Variants in CCSER1 observed in about 807,000 individuals in gnomAD.
CCSER1 encodes the protein serine-rich coiled-coil domain-containing protein 1.
In CCSER1, 41 loss-of-function variants were observed where a neutral mutation model predicts 82.0. The observed-to-expected ratio is 0.50, with a 90% CI of 0.39 to 0.65. The LOEUF (loss-of-function observed/expected upper bound fraction) is 0.65, where lower values mean the gene tolerates loss of function less well. Ranked by LOEUF, CCSER1 falls within the 30% of genes least tolerant of loss-of-function variation. The pLI, the probability that CCSER1 is intolerant of heterozygous loss-of-function variation, is 0.00. For synonymous variants in CCSER1, 414 were observed against 383.9 expected (o/e 1.08, Z -0.92); for missense variants, 1,119 against 1,064.2 (o/e 1.05, Z -0.72).
chr4:91,173,289 G>A (rs1485158164), intron 10 of CCSER1, among the ~76,000 whole-genome samples: 1 of 152,100 alleles, frequency 6.6e-6, no homozygotes, highest in Non-Finnish European at 1.5e-5. Flanking sequence ...AATTCAGAAA[G>A]ACATTAAGAA....
At chr4:90,637,463 A>C (rs1725638637) in intron 6 of CCSER1, among the ~76,000 whole-genome samples, 1 of 152,138 alleles carries the variant, frequency 6.6e-6, no homozygotes, top group African/African-American at 2.4e-5. Context: ...ACAATATGTA[A>C]AGTATGAATA....
At chr4:90,594,865 C>G (rs1189072031) in intron 5 of CCSER1, among the ~76,000 whole-genome samples, 1 of 152,054 alleles carries the variant, frequency 6.6e-6, no homozygotes, top group Non-Finnish European at 1.5e-5. Flanking sequence ...AACCACAACA[C>G]CTAGTATTAG....
intron 5 of CCSER1, among the ~76,000 whole-genome samples, chr4:90,615,151 A>T (rs770273833): frequency 1.3e-5 from 2 of 149,918 alleles, no homozygotes; most frequent in Non-Finnish European, 2.9e-5. Flanking sequence ...TGCTCAGAAA[A>T]AAACAAGATT....
At chr4:90,486,854 A>T (rs948055380) in intron 5 of CCSER1, among the ~76,000 whole-genome samples, 2 of 152,250 alleles carry the variant, frequency 1.3e-5, no homozygotes, top group African/African-American at 4.8e-5. Flanking sequence ...AAAGAAAGCC[A>T]GTCCAACTTT....
At chr4:91,301,362 G>A (rs563741272) in intron 10 of CCSER1, among the ~76,000 whole-genome samples, 1 of 151,478 alleles carries the variant, frequency 6.6e-6, no homozygotes, top group Non-Finnish European at 1.5e-5. Flanking sequence ...TTAAAAAGGA[G>A]AATTAATACA....
chr4:90,625,229 C>T (rs9790562), intron 5 of CCSER1, among the ~76,000 whole-genome samples: 43,882 of 151,870 alleles, frequency 0.29, 6,655 homozygotes, highest in African/African-American at 0.36. Flanking sequence ...AATATGGCTT[C>T]GTATTAGAGA....
chr4:91,226,501 G>T (rs560668449), intron 10 of CCSER1, among the ~76,000 whole-genome samples: 4 of 151,924 alleles, frequency 2.6e-5, no homozygotes, highest in Admixed American at 1.3e-4. Context: ...ATTTTATAGC[G>T]TTTAATATAT....
chr4:91,373,018 T>C (rs1298664509), intron 10 of CCSER1, among the ~76,000 whole-genome samples: 1 of 152,162 alleles, frequency 6.6e-6, no homozygotes, highest in Non-Finnish European at 1.5e-5. Flanking sequence ...AAAAAAACAA[T>C]TGGGAAATGT....
intron 6 of CCSER1, among the ~76,000 whole-genome samples, chr4:90,692,864 A>T (rs1228385499): frequency 6.6e-6 from 1 of 152,000 alleles, no homozygotes; most frequent in African/African-American, 2.4e-5. Context: ...CTCATTTATC[A>T]TTCAGATATA....
chr4:90,790,313 G>T (rs1580478643), intron 7 of CCSER1, among the ~76,000 whole-genome samples: 1 of 151,904 alleles, frequency 6.6e-6, no homozygotes, highest in African/African-American at 2.4e-5. Flanking sequence ...ATTTATTATT[G>T]ATATACCATA....
intron 10 of CCSER1, among the ~76,000 whole-genome samples, chr4:91,265,114 A>G (rs1377505226): frequency 6.6e-6 from 1 of 152,012 alleles, no homozygotes; most frequent in African/African-American, 2.4e-5. Flanking sequence ...AGAATTTTCA[A>G]TAGCCAATGA....
At chr4:91,145,833 T>A (rs1208906757) in intron 10 of CCSER1, among the ~76,000 whole-genome samples, 2 of 152,152 alleles carry the variant, frequency 1.3e-5, no homozygotes, top group Non-Finnish European at 2.9e-5. Flanking sequence ...GTTAGCCTAA[T>A]ATGTTTCCCT....
intron 10 of CCSER1, among the ~76,000 whole-genome samples, chr4:91,500,591 T>A (rs11946031): frequency 0.68 from 103,327 of 151,764 alleles, 35,671 homozygotes; most frequent in Middle Eastern, 0.75. Context: ...GAAAATATCT[T>A]TTGCTTTGAA....
intron 10 of CCSER1, among the ~76,000 whole-genome samples, chr4:91,202,908 C>G (rs1007067973): frequency 1.0e-5 from 1 of 96,120 alleles, no homozygotes; most frequent in African/African-American, 4.2e-5. Flanking sequence ...ATTTCTTTTT[C>G]ATCTTATTAA....
chr4:91,107,060 T>C (rs893140369), intron 10 of CCSER1, among the ~76,000 whole-genome samples: 2 of 152,182 alleles, frequency 1.3e-5, no homozygotes, highest in East Asian at 1.9e-4. Context: ...TCTGTTTAGA[T>C]ATGCTTAGAT....
chr4:90,360,266 C>T (rs375306937), intron 3 of CCSER1, among the ~76,000 whole-genome samples: 2 of 148,896 alleles, frequency 1.3e-5, no homozygotes, highest in Admixed American at 6.7e-5. Flanking sequence ...TGGTGGCTCA[C>T]GCCTGTAATC....
chr4:91,146,935 T>C (rs1224606538), intron 10 of CCSER1, among the ~76,000 whole-genome samples: 1 of 152,178 alleles, frequency 6.6e-6, no homozygotes, highest in Non-Finnish European at 1.5e-5. Context: ...GAGGACTCCT[T>C]CACCAAGTCT....
chr4:91,306,152 C>T (rs985963222), intron 10 of CCSER1, among the ~76,000 whole-genome samples: 14 of 150,986 alleles, frequency 9.3e-5, no homozygotes, highest in African/African-American at 3.2e-4. Flanking sequence ...GCCAACCTTT[C>T]ATATATGATT....
intron 10 of CCSER1, among the ~76,000 whole-genome samples, chr4:91,575,275 C>A (rs772816577): frequency 1.3e-5 from 2 of 151,818 alleles, no homozygotes; most frequent in Non-Finnish European, 2.9e-5. Context: ...TAAAAGAAAA[C>A]CCAGGAGAAA....
Sources: allele counts gnomAD v4.1 joint callset (sites outside exome capture counted in the v4.1 genomes callset), GRCh38; gene constraint gnomAD v4.1.1; transcripts MANE v1.5; gene names NCBI Gene and HGNC (gene_info 2026-07-23, HGNC 2026-07-21).